The following ANO6 variants were observed in gnomAD, a reference collection of about 807,000 sequenced individuals.
ANO6 encodes the protein anoctamin 6.
In ANO6, 106 loss-of-function variants were observed where a neutral mutation model predicts 117.5. That is an observed-to-expected ratio of 0.90 (90% CI 0.77 to 1.06). The LOEUF (loss-of-function observed/expected upper bound fraction) is 1.06, where lower values mean the gene tolerates loss of function less well. ANO6 is among the 50% of genes least tolerant of loss of function. The pLI is 0.00. For missense variants in ANO6, 955 were observed against 1,121.1 expected (o/e 0.85, Z 2.12); for synonymous variants, 367 against 385.1 (o/e 0.95, Z 0.55).
At chr12:45,320,063 A>C (rs1047848948) in intron 2 of ANO6, among the ~76,000 whole-genome samples, 1 of 152,210 alleles carries the variant, frequency 6.6e-6, no homozygotes, top group African/African-American at 2.4e-5. Context: ...CATTTCAAAA[A>C]ACCAGCTCCT....
intron 18 of ANO6, 78 bp from the exon 19 acceptor site, chr12:45,422,879 T>C: frequency 8.8e-7 from 1 of 1,140,368 alleles, no homozygotes; most frequent in Non-Finnish European, 1.3e-6. Flanking sequence ...CGGCATGACC[T>C]CTTTTTAAAT....
At chr12:45,316,787 A>G (rs926893132) in intron 2 of ANO6, among the ~76,000 whole-genome samples, 10 of 151,486 alleles carry the variant, frequency 6.6e-5, no homozygotes, top group Non-Finnish European at 1.5e-5. Flanking sequence ...GTATTATACT[A>G]TTATAACATA....
intron 2 of ANO6, among the ~76,000 whole-genome samples, chr12:45,319,985 G>A (rs565114206): frequency 3.3e-5 from 5 of 152,104 alleles, no homozygotes; most frequent in Admixed American, 1.3e-4. Flanking sequence ...ATTTTTTATC[G>A]TGTCTATTTG....
chr12:45,261,669 G>A (rs1182687864), intron 1 of ANO6, among the ~76,000 whole-genome samples: 1 of 152,178 alleles, frequency 6.6e-6, no homozygotes, highest in Non-Finnish European at 1.5e-5. Context: ...CCATTTGGAT[G>A]TCTCAGTCTC....
chr12:45,437,886 G>A (rs1943725982), intron 19 of ANO6, among the ~76,000 whole-genome samples: 1 of 152,088 alleles, frequency 6.6e-6, no homozygotes, highest in Non-Finnish European at 1.5e-5. Flanking sequence ...TTTTAAGAGT[G>A]TAAAATTGTT....
At chr12:45,435,293 A>G (rs1767083595), downstream of ANO6, among the ~76,000 whole-genome samples, 1 of 152,220 alleles carries the variant, frequency 6.6e-6, no homozygotes, top group Non-Finnish European at 1.5e-5. Context: ...ATTGCTTACT[A>G]TAAATTCCAC....
chr12:45,341,878 G>A (rs1289317914), intron 3 of ANO6, among the ~76,000 whole-genome samples: 1 of 152,058 alleles, frequency 6.6e-6, no homozygotes, highest in Non-Finnish European at 1.5e-5. Context: ...AAGGGAAGTC[G>A]AGCATGTTAA....
chr12:45,268,032 G>A (rs1212729703), intron 1 of ANO6, among the ~76,000 whole-genome samples: 2 of 152,160 alleles, frequency 1.3e-5, no homozygotes, highest in East Asian at 3.9e-4. Context: ...AAAAGGCCAG[G>A]TGCATTTTTT....
At chr12:45,341,255 T>C (rs1940972212) in intron 3 of ANO6, among the ~76,000 whole-genome samples, 1 of 152,168 alleles carries the variant, frequency 6.6e-6, no homozygotes, top group African/African-American at 2.4e-5. Context: ...CAGCAATACA[T>C]ATTAAAGAAC....
chr12:45,355,975 A>G (rs1034018331), intron 7 of ANO6, among the ~76,000 whole-genome samples: 16 of 152,234 alleles, frequency 1.1e-4, no homozygotes, highest in African/African-American at 3.9e-4. Context: ...ACAGATCAAG[A>G]TGAAGGCAGA....
chr12:45,287,355 T>C (rs548138232), intron 1 of ANO6, among the ~76,000 whole-genome samples: 1 of 152,322 alleles, frequency 6.6e-6, no homozygotes, highest in East Asian at 1.9e-4. Context: ...TGTGATCTTA[T>C]GCAAAATACC....
At chr12:45,268,426 A>AGG (rs1438511101) in intron 1 of ANO6, among the ~76,000 whole-genome samples, 1 of 152,214 alleles carries the variant, frequency 6.6e-6, no homozygotes, top group Non-Finnish European at 1.5e-5. Flanking sequence ...AGCCTGAGGC[A>AGG]GGAGAATTGC....
chr12:45,307,359 A>C (rs1316994094), intron 2 of ANO6, among the ~76,000 whole-genome samples: 1 of 152,146 alleles, frequency 6.6e-6, no homozygotes, highest in Non-Finnish European at 1.5e-5. Context: ...AATTCTGAAT[A>C]CATTCTGAGG....
chr12:45,383,435 C>A (rs1298116053), intron 10 of ANO6: 1 of 152,276 alleles, frequency 6.6e-6, no homozygotes, highest in African/African-American at 2.4e-5. Context: ...TCCTTAATGA[C>A]ATCTAGAATG....
chr12:45,393,997 ATTAAAC>A (rs942715555), intron 12 of ANO6, among the ~76,000 whole-genome samples: 3 of 152,234 alleles, frequency 2.0e-5, no homozygotes, highest in Admixed American at 6.5e-5. Flanking sequence ...ACATAACAAT[ATTAAAC>A]TTAAACGTAA....
intron 16 of ANO6, among the ~76,000 whole-genome samples, chr12:45,412,271 A>G (rs1377983461): frequency 6.6e-5 from 10 of 152,174 alleles, no homozygotes; most frequent in Non-Finnish European, 1.5e-4. Context: ...TGAGAACTTG[A>G]TGAGGCCTTC....
In ANO6 at chr12:45,265,280, C is replaced by T. The variant is rs548013668; in HGVS notation, c.71-36734C>T. Among the ~76,000 whole-genome samples the T allele has an allele frequency of 3.9e-5, 6 of 152,182 alleles. No homozygotes were observed. The East Asian group carries it at 5.8e-4, about 15-fold the overall frequency. ...GTGTTGGATCTACTGTATTGAAATA[C>T]GAAGTTATGGAGAACTAAGGAATAA... is the stretch of plus-strand genomic sequence containing the variant. On this transcript the variant is annotated intron_variant, in intron 1 of 19. Coordinates refer to ENST00000320560, the MANE Select transcript of ANO6 (RefSeq NM_001025356.3).
At chr12:45,331,512 T>C (rs1940665916) in intron 3 of ANO6, 89 bp downstream of exon 3, 2 of 1,205,142 alleles carry the variant, frequency 1.7e-6, no homozygotes, top group Non-Finnish European at 2.3e-6. Flanking sequence ...AAAGTGAAAC[T>C]GATGTTGAAA....
chr12:45,384,036 A>G (rs564116881), intron 10 of ANO6, among the ~76,000 whole-genome samples: 1 of 152,310 alleles, frequency 6.6e-6, no homozygotes, highest in South Asian at 2.1e-4. Context: ...TTCATCAATG[A>G]TCTTAGCTAG....
Sources: gnomAD v4.1 joint callset for allele counts (sites outside exome capture counted in the v4.1 genomes callset) on GRCh38, gnomAD v4.1.1 for gene constraint, MANE v1.5 for transcripts, NCBI Gene and HGNC (gene_info 2026-07-23, HGNC 2026-07-21) for gene names.